LRP6: variants seen among roughly 807,000 people sequenced by gnomAD.
The protein encoded by LRP6 is LDL receptor related protein 6.
A neutral mutation model predicts 184.1 loss-of-function variants in LRP6; 43 were observed. The ratio of observed to expected loss-of-function variants is 0.23; its 90% CI spans 0.18 to 0.30. The LOEUF (loss-of-function observed/expected upper bound fraction) is 0.30, where lower values mean the gene tolerates loss of function less well. Ranked by LOEUF, LRP6 falls within the 10% of genes least tolerant of loss-of-function variation. The probability of loss-of-function intolerance (pLI) is 1.00; values close to 1 mark genes in which losing one functional copy is unlikely to be tolerated. For missense variants in LRP6, 1,571 were observed against 2,005.3 expected, an observed-to-expected ratio of 0.78 and a Z score of 4.14; for synonymous variants, 719 against 684.9, an observed-to-expected ratio of 1.05 and a Z score of -0.78.
At chr12:12,202,286 T>C (rs1189323490) in intron 3 of LRP6, among the ~76,000 whole-genome samples, 5 of 152,380 alleles carry the variant, frequency 3.3e-5, no homozygotes, top group African/African-American at 1.2e-4. Context: ...CTGATGCCTG[T>C]AATTCTAGCA....
chr12:12,182,318 T>C (rs796784470), intron 5 of LRP6, among the ~76,000 whole-genome samples: 28 of 152,302 alleles, frequency 1.8e-4, no homozygotes, highest in African/African-American at 6.7e-4. Flanking sequence ...GATTTTCAGA[T>C]TTTTATTTCA....
chr12:12,180,652 T>C (rs529914406), intron 6 of LRP6, among the ~76,000 whole-genome samples: 24 of 152,032 alleles, frequency 1.6e-4, no homozygotes, highest in Non-Finnish European at 3.1e-4. Flanking sequence ...CATTCATGTA[T>C]TTAGGGAAAA....
chr12:12,211,663 G>C (rs536600741), intron 2 of LRP6, among the ~76,000 whole-genome samples: 13 of 152,246 alleles, frequency 8.5e-5, no homozygotes, highest in East Asian at 3.9e-4. Context: ...ATGAAATTCT[G>C]AATGTATAAA....
intron 1 of LRP6, among the ~76,000 whole-genome samples, chr12:12,263,099 C>CAAAA (rs11286701): frequency 1.1e-4 from 14 of 128,964 alleles, no homozygotes; most frequent in African/African-American, 3.0e-4. Context: ...ACTAAAAATA[C>CAAAA]AAAAAAAAAA....
chr12:12,140,647 AGGCTAGAGTGCAGT>A (rs1949918901), intron 15 of LRP6, among the ~76,000 whole-genome samples: 1 of 147,988 alleles, frequency 6.8e-6, no homozygotes, highest in Non-Finnish European at 1.5e-5. Context: ...TCTTTCGCCC[AGGCTAGAGTGCAGT>A]GGCTCAATCT....
chr12:12,232,010 C>G (rs1032057274), intron 2 of LRP6, among the ~76,000 whole-genome samples: 1 of 147,422 alleles, frequency 6.8e-6, no homozygotes, highest in African/African-American at 2.6e-5. Flanking sequence ...AAAAAAAAAA[C>G]AAAAACAAAA....
intron 3 of LRP6, 74 bp downstream of exon 3, chr12:12,203,129 A>T: frequency 9.6e-7 from 1 of 1,041,234 alleles, no homozygotes; most frequent in South Asian, 1.6e-5. Context: ...ATTTCTTAAT[A>T]AAATTAGGCT....
intron 2 of LRP6, among the ~76,000 whole-genome samples, chr12:12,243,395 A>C (rs1236191979): frequency 6.6e-6 from 1 of 152,234 alleles, no homozygotes. Context: ...AACGCTTCAG[A>C]GTGTAACAAA....
chr12:12,174,525 T>C (rs980170000), intron 7 of LRP6, among the ~76,000 whole-genome samples: 1 of 152,230 alleles, frequency 6.6e-6, no homozygotes, highest in Non-Finnish European at 1.5e-5. Flanking sequence ...ATCTCAACAA[T>C]AGATTTATTA....
intron 7 of LRP6, among the ~76,000 whole-genome samples, chr12:12,170,341 T>C (rs1284442704): frequency 6.6e-6 from 1 of 152,100 alleles, no homozygotes; most frequent in Non-Finnish European, 1.5e-5. Flanking sequence ...AAAAACAGTA[T>C]AAAACAGTAG....
intron 2 of LRP6, chr12:12,226,735 G>A (rs1864633766): frequency 6.6e-6 from 1 of 152,212 alleles, no homozygotes; most frequent in Non-Finnish European, 1.5e-5. Context: ...CATGGCCCCT[G>A]CACAAGGATG....
At chr12:12,140,552 C>G (rs1241579878) in intron 15 of LRP6, among the ~76,000 whole-genome samples, 2 of 149,602 alleles carry the variant, frequency 1.3e-5, no homozygotes. Flanking sequence ...GTAACCAGTT[C>G]AATGAGAAGG....
At chr12:12,257,572 C>T (rs1367199990) in intron 1 of LRP6, among the ~76,000 whole-genome samples, 2 of 133,646 alleles carry the variant, frequency 1.5e-5, no homozygotes, top group Non-Finnish European at 1.5e-5. Flanking sequence ...CAGAGCAAGA[C>T]TCCCTCTCAA....
chr12:12,237,220 T>G (rs1864950675), intron 2 of LRP6, among the ~76,000 whole-genome samples: 1 of 152,162 alleles, frequency 6.6e-6, no homozygotes, highest in South Asian at 2.1e-4. Context: ...TTACAAGGGT[T>G]TTAGAAGCTC....
chr12:12,151,393 G>A lies in LRP6; in HGVS notation c.2792-355C>T, dbSNP rs374196074. 1.4e-4 allele frequency among the ~76,000 whole-genome samples: 22 copies of A among 152,012 alleles called. No homozygotes were observed. The East Asian group carries it at 1.9e-3, about 13-fold the overall frequency. ...TAACCCTTAACCTATTCTGTCTGGT[G>A]GGTGGCAGGAAGCCTGGGCTTTTAT... On this transcript the variant is annotated intron_variant, in intron 12 of 22. Transcript: ENST00000261349.
At chr12:12,246,685 A>G (rs1049294376) in intron 1 of LRP6, among the ~76,000 whole-genome samples, 1 of 151,752 alleles carries the variant, frequency 6.6e-6, no homozygotes, top group Admixed American at 6.6e-5. Flanking sequence ...AAAAAAAAAA[A>G]GAGTGAGTTA....
chr12:12,256,369 G>A (rs561495539), intron 1 of LRP6, among the ~76,000 whole-genome samples: 1 of 151,618 alleles, frequency 6.6e-6, no homozygotes, highest in East Asian at 1.9e-4. Context: ...GCCAGCCTGA[G>A]CAACATGGTG....
At chr12:12,201,069 C>T (rs1209932402) in intron 3 of LRP6, among the ~76,000 whole-genome samples, 3 of 152,156 alleles carry the variant, frequency 2.0e-5, no homozygotes, top group Non-Finnish European at 2.9e-5. Flanking sequence ...GTTTTTCTAA[C>T]GTCACAGAAT....
intron 4 of LRP6, among the ~76,000 whole-genome samples, chr12:12,185,668 T>C (rs562858886): frequency 2.0e-5 from 3 of 152,126 alleles, no homozygotes; most frequent in Non-Finnish European, 2.9e-5. Flanking sequence ...CCCGAGTCAT[T>C]GTAAAGGCTG....
Sources: gnomAD v4.1 joint callset for allele counts (sites outside exome capture counted in the v4.1 genomes callset) on GRCh38, gnomAD v4.1.1 for gene constraint, MANE v1.5 for transcripts, NCBI Gene and HGNC (gene_info 2026-07-23, HGNC 2026-07-21) for gene names.